The following EML1 variants were observed in gnomAD, a reference collection of about 807,000 sequenced individuals.
The protein encoded by EML1 is EMAP like 1.
EML1 carries 27 observed loss-of-function variants against 110.4 expected under a neutral mutation model. The observed-to-expected ratio is 0.24, with a 90% confidence interval of 0.18 to 0.34. The LOEUF (loss-of-function observed/expected upper bound fraction) is 0.34. EML1 is among the 10% of genes least tolerant of loss of function. The probability of loss-of-function intolerance (pLI) is 1.00; values close to 1 mark genes in which losing one functional copy is unlikely to be tolerated. For missense variants in EML1, 741 were observed against 1,030.9 expected, an observed-to-expected ratio of 0.72 and a Z score of 3.85; for synonymous variants, 344 against 385.8, an observed-to-expected ratio of 0.89 and a Z score of 1.27.
chr14:99,853,998 AT>A (rs1053735710), intron 2 of EML1, among the ~76,000 whole-genome samples: 14 of 152,094 alleles, frequency 9.2e-5, no homozygotes, highest in Admixed American at 1.3e-4. Flanking sequence ...ATATCAAATG[AT>A]TTTTTCCCCC....
At chr14:99,878,417 T>C (rs1461651867) in intron 3 of EML1, 68 bp from the exon 4 acceptor site, 1 of 1,538,838 alleles carries the variant, frequency 6.5e-7, no homozygotes. Context: ...TGTATATATT[T>C]GTATGCTTAG....
At chr14:99,926,903 C>T (rs1178797942) in intron 17 of EML1, among the ~76,000 whole-genome samples, 1 of 152,146 alleles carries the variant, frequency 6.6e-6, no homozygotes, top group Non-Finnish European at 1.5e-5. Flanking sequence ...ACCACCATAC[C>T]TGGCTAATTT....
intron 9 of EML1, 88 bp downstream of exon 9, chr14:99,901,127 C>G: frequency 9.2e-7 from 1 of 1,084,256 alleles, no homozygotes; most frequent in Non-Finnish European, 1.4e-6. Context: ...TTGACACACT[C>G]GATACCTGCC....
intron 2 of EML1, among the ~76,000 whole-genome samples, chr14:99,858,027 T>C (rs2058934139): frequency 6.6e-6 from 1 of 152,212 alleles, no homozygotes; most frequent in South Asian, 2.1e-4. Context: ...TTTAAAGTGA[T>C]GCAGTAAGAG....
chr14:99,821,692 A>C (rs2058265510), intron 1 of EML1, among the ~76,000 whole-genome samples: 1 of 151,956 alleles, frequency 6.6e-6, no homozygotes, highest in Non-Finnish European at 1.5e-5. Context: ...GTGCCACTGC[A>C]CTCCAGCCTG....
At chr14:99,897,015 T>C (rs956298405) in intron 6 of EML1, 130 bp from the exon 7 acceptor site, 12 of 829,488 alleles carry the variant, frequency 1.4e-5, no homozygotes, top group Non-Finnish European at 3.4e-6. Context: ...ATTTGCAATT[T>C]AATGTTGTTT....
At chr14:99,934,807 A>T (rs1232069347) in intron 17 of EML1, among the ~76,000 whole-genome samples, 1 of 152,176 alleles carries the variant, frequency 6.6e-6, no homozygotes, top group Non-Finnish European at 1.5e-5. Context: ...TGTCCTGGGC[A>T]TCGTGAGTCC....
intron 3 of EML1, among the ~76,000 whole-genome samples, chr14:99,875,276 C>G (rs1001544414): frequency 6.6e-6 from 1 of 152,182 alleles, no homozygotes; most frequent in Non-Finnish European, 1.5e-5. Flanking sequence ...TAACCCCAAA[C>G]AAGTTGCTTC....
At chr14:99,810,330 A>G (rs1164896774) in intron 1 of EML1, among the ~76,000 whole-genome samples, 1 of 152,314 alleles carries the variant, frequency 6.6e-6, no homozygotes, top group Non-Finnish European at 1.5e-5. Context: ...GAATTTATGT[A>G]TCTGCCATAA....
At chr14:99,810,234 G>C (rs1212958528) in intron 1 of EML1, among the ~76,000 whole-genome samples, 1 of 152,158 alleles carries the variant, frequency 6.6e-6, no homozygotes, top group Non-Finnish European at 1.5e-5. Context: ...CCAGAGTCCA[G>C]GCCCATGAAA....
At chr14:99,866,024 A>G (rs1055234679) in intron 3 of EML1, among the ~76,000 whole-genome samples, 5 of 152,258 alleles carry the variant, frequency 3.3e-5, no homozygotes, top group Admixed American at 2.0e-4. Flanking sequence ...TCTCTATGCA[A>G]TTTGGATAAG....
chr14:99,841,402 G>A (rs1375165225), intron 1 of EML1, among the ~76,000 whole-genome samples: 1 of 152,170 alleles, frequency 6.6e-6, no homozygotes, highest in Non-Finnish European at 1.5e-5. Context: ...AGTATTAGAA[G>A]TTTCATACAC....
rs61280614 is a variant in EML1, at chr14:99,919,418, GCACACAGACA to G, written c.1821-1364_1821-1355del. On this transcript the variant is annotated intron_variant, in intron 16 of 21. Coordinates refer to ENST00000262233, the MANE Select transcript of EML1 (RefSeq NM_004434.3). ...TATAGCCACACACACACATACGCAT[GCACACAGACA>G]CACACACACACACACACACACACAC... Among the ~76,000 whole-genome samples, 950 of 95,226 alleles carry G rather than the reference GCACACAGACA, an allele frequency of 1.0e-2. 12 individuals carry two copies. Among genetic ancestry groups the G allele is most frequent in the African/African-American group, 0.035 (883 of 24,990 alleles). 62.5% of individuals were successfully genotyped at this position (95,226 alleles called of 152,430 possible). A position where few individuals can be genotyped will look rare whatever the true frequency, so the allele number is the denominator to read the frequency against.
chr14:99,742,238 C>T (rs1191613915), intron 1 of EML1, among the ~76,000 whole-genome samples: 1 of 152,176 alleles, frequency 6.6e-6, no homozygotes, highest in Non-Finnish European at 1.5e-5. Context: ...GGGCATGAGT[C>T]CCTGAGGAGC....
At chr14:99,914,148 T>C in intron 13 of EML1, 31 bp from the exon 14 acceptor site, 1 of 1,589,664 alleles carries the variant, frequency 6.3e-7, no homozygotes, top group Non-Finnish European at 8.6e-7. Flanking sequence ...AAATTGTACA[T>C]CTTTTCTTTT....
At chr14:99,757,556 T>C (rs554439200) in intron 1 of EML1, among the ~76,000 whole-genome samples, 3 of 152,296 alleles carry the variant, frequency 2.0e-5, no homozygotes, top group East Asian at 1.9e-4. Flanking sequence ...CCTAACTTTT[T>C]ATTGGGATGA....
At chr14:99,763,131 C>T (rs935756873) in intron 1 of EML1, among the ~76,000 whole-genome samples, 2 of 152,142 alleles carry the variant, frequency 1.3e-5, no homozygotes, top group East Asian at 1.9e-4. Flanking sequence ...CTTTGCCTGC[C>T]GCCATCTATG....
intron 1 of EML1, among the ~76,000 whole-genome samples, chr14:99,822,179 C>G (rs1383668353): frequency 6.6e-6 from 1 of 151,926 alleles, no homozygotes; most frequent in Non-Finnish European, 1.5e-5. Flanking sequence ...AGTTAGGAGT[C>G]CTTAGTATCC....
intron 1 of EML1, among the ~76,000 whole-genome samples, chr14:99,826,270 G>A (rs2058354942): frequency 6.6e-6 from 1 of 151,832 alleles, no homozygotes; most frequent in Admixed American, 6.6e-5. Flanking sequence ...GTGCCACCAC[G>A]CCCTGCTAAT....
Sources: gnomAD v4.1 joint callset for allele counts (sites outside exome capture counted in the v4.1 genomes callset) on GRCh38, gnomAD v4.1.1 for gene constraint, MANE v1.5 for transcripts, NCBI Gene and HGNC (gene_info 2026-07-23, HGNC 2026-07-21) for gene names.